The following PHF21B variants were observed in gnomAD, a reference collection of about 807,000 sequenced individuals.
The protein encoded by PHF21B is PHD finger protein 21B.
PHF21B carries 22 observed loss-of-function variants against 62.2 expected under a neutral mutation model. The ratio of observed to expected loss-of-function variants is 0.35; its 90% CI spans 0.25 to 0.51. The LOEUF is 0.51. Among genes scored for constraint, PHF21B ranks in the 20% least tolerant of loss-of-function variants. The probability of loss-of-function intolerance (pLI) is 0.97; values close to 1 mark genes in which losing one functional copy is unlikely to be tolerated. For missense variants in PHF21B, 701 were observed against 707.9 expected (o/e 0.99, Z 0.11); for synonymous variants, 341 against 314.7 (o/e 1.08, Z -0.88).
At chr22:44,923,479 A>G (rs753365212) in intron 2 of PHF21B, among the ~76,000 whole-genome samples, 6 of 152,208 alleles carry the variant, frequency 3.9e-5, no homozygotes, top group African/African-American at 7.2e-5. Flanking sequence ...ACAACACCAA[A>G]AACATAATCG....
intron 2 of PHF21B, among the ~76,000 whole-genome samples, chr22:45,000,327 C>T (rs1228250075): frequency 6.6e-6 from 1 of 152,108 alleles, no homozygotes; most frequent in African/African-American, 2.4e-5. Context: ...CTGCCCCATA[C>T]ATATCAAGAG....
intron 2 of PHF21B, among the ~76,000 whole-genome samples, chr22:44,981,012 G>A (rs1346420500): frequency 1.3e-5 from 2 of 152,210 alleles, no homozygotes; most frequent in Admixed American, 6.5e-5. Flanking sequence ...CTGCAAAACG[G>A]GAAATAAATA....
chr22:44,908,539 C>T (rs1248983894), intron 5 of PHF21B, among the ~76,000 whole-genome samples: 1 of 152,204 alleles, frequency 6.6e-6, no homozygotes, highest in African/African-American at 2.4e-5. Flanking sequence ...CAAGCAACCC[C>T]TGGGCTGGCC....
intron 5 of PHF21B, among the ~76,000 whole-genome samples, chr22:44,913,158 T>G (rs1371130709): frequency 6.6e-6 from 1 of 152,204 alleles, no homozygotes; most frequent in East Asian, 1.9e-4. Context: ...CTTCAGAGGC[T>G]GTGTGGGAGA....
At chr22:44,909,050 G>A (rs187900323) in intron 5 of PHF21B, among the ~76,000 whole-genome samples, 8,941 of 152,136 alleles carry the variant, frequency 0.059, 309 homozygotes, top group Admixed American at 0.071. Context: ...CGCCCACCTT[G>A]GCCTCCCAAA....
intron 2 of PHF21B, among the ~76,000 whole-genome samples, chr22:44,942,501 G>A (rs987400174): frequency 6.6e-6 from 1 of 152,176 alleles, no homozygotes; most frequent in Non-Finnish European, 1.5e-5. Context: ...AACACACAGG[G>A]AAACGTGACC....
intron 2 of PHF21B, chr22:45,000,831 G>A (rs2073204073): frequency 6.6e-6 from 1 of 152,178 alleles, no homozygotes; most frequent in African/African-American, 2.4e-5. Context: ...GGTGGTTCCT[G>A]TGGTTCAAGT....
Position 44,933,716 on chromosome 22 carries a change from AAGAG to A in PHF21B, c.121-13230_121-13227del, listed in dbSNP as rs752277912. Among the ~76,000 whole-genome samples, 205 of 148,442 alleles carry A rather than the reference AAGAG, an allele frequency of 1.4e-3. 3 individuals are homozygous for A. In the East Asian group the frequency reaches 0.037, roughly 27 times the overall value. Reference sequence around the variant, plus strand: ...AGTATCTGGAGCTCTTCGTGCAGATAAGAGAGAGAGAGAGAGAGAGACAGACAGA... The same window carrying A: ...AGTATCTGGAGCTCTTCGTGCAGATAAGAGAGAGAGAGAGAGACAGACAGA... On this transcript the variant is annotated intron_variant, in intron 2 of 12. Transcript: ENST00000313237.
At chr22:44,932,187 T>A (rs11090713) in intron 2 of PHF21B, among the ~76,000 whole-genome samples, 13,776 of 152,186 alleles carry the variant, frequency 0.091, 684 homozygotes, top group Middle Eastern at 0.14. Flanking sequence ...GCAAAATCTG[T>A]TCTTTAAGAG....
At chr22:44,944,089 A>G (rs1368134789) in intron 2 of PHF21B, among the ~76,000 whole-genome samples, 3 of 152,076 alleles carry the variant, frequency 2.0e-5, no homozygotes, top group Non-Finnish European at 4.4e-5. Flanking sequence ...TAAGATGCTG[A>G]GCCCCGCAAG....
intron 7 of PHF21B, 21 bp downstream of exon 7, chr22:44,893,436 T>A: frequency 6.3e-7 from 1 of 1,582,276 alleles, no homozygotes; most frequent in Middle Eastern, 1.7e-4. Context: ...CCTGGTGGCA[T>A]GGGGCTGGCG....
chr22:45,008,482 C>A, intron 2 of PHF21B, 63 bp downstream of exon 2: 1 of 1,436,734 alleles, frequency 7.0e-7, no homozygotes, highest in South Asian at 1.4e-5. Context: ...TTTTAGGGCG[C>A]CGCCAAAGTG....
intron 2 of PHF21B, among the ~76,000 whole-genome samples, chr22:44,970,538 C>T (rs2072617799): frequency 6.6e-6 from 1 of 152,196 alleles, no homozygotes; most frequent in Non-Finnish European, 1.5e-5. Flanking sequence ...GCAGTGGTAC[C>T]AAGGCCAGCA....
At position 44,893,291 on chromosome 22, in the gene PHF21B, G is replaced by T. The variant is rs569419947; in HGVS notation, c.960+166C>A. Among the ~76,000 whole-genome samples the T allele has an allele frequency of 7.9e-5, 12 of 152,314 alleles. No homozygotes were observed. The East Asian group carries it at 2.1e-3, about 27-fold the overall frequency. On this transcript the variant is annotated intron_variant, in intron 7 of 12. Coordinates refer to ENST00000313237, the MANE Select transcript of PHF21B (RefSeq NM_138415.5). ...CTATCAATTGACTGTCAACTCGGAG[G>T]TGATGAGAGAGATGATTTACGGTCA...
chr22:44,969,045 C>G (rs1202228761), intron 2 of PHF21B: 5 of 152,282 alleles, frequency 3.3e-5, no homozygotes, highest in African/African-American at 1.2e-4. Flanking sequence ...ACAGCTGCAC[C>G]AAAGGATACT....
At chr22:44,998,999 T>G (rs1045065684) in intron 2 of PHF21B, among the ~76,000 whole-genome samples, 3 of 152,106 alleles carry the variant, frequency 2.0e-5, no homozygotes, top group Non-Finnish European at 4.4e-5. Flanking sequence ...AAATCCCACA[T>G]GGATACCCTC....
chr22:44,998,537 C>A (rs2073158758), intron 2 of PHF21B, among the ~76,000 whole-genome samples: 1 of 152,114 alleles, frequency 6.6e-6, no homozygotes. Context: ...CCCCTTGGTT[C>A]TCACATCCTA....
intron 5 of PHF21B, among the ~76,000 whole-genome samples, chr22:44,912,784 T>C (rs1206220242): frequency 2.1e-5 from 3 of 142,226 alleles, no homozygotes; most frequent in Non-Finnish European, 4.5e-5. Flanking sequence ...GAGGCTGAGG[T>C]GGGAGGATCA....
At chr22:44,953,833 A>C (rs1317120015) in intron 2 of PHF21B, among the ~76,000 whole-genome samples, 1 of 152,250 alleles carries the variant, frequency 6.6e-6, no homozygotes, top group African/African-American at 2.4e-5. Context: ...TTAATCCTCA[A>C]AACAACTCTA....
Sources: allele counts gnomAD v4.1 joint callset (sites outside exome capture counted in the v4.1 genomes callset), GRCh38; gene constraint gnomAD v4.1.1; transcripts MANE v1.5; gene names NCBI Gene and HGNC (gene_info 2026-07-23, HGNC 2026-07-21).